The following KAZN variants were observed in gnomAD, a reference collection of about 807,000 sequenced individuals.
KAZN encodes the protein kazrin.
A neutral mutation model predicts 87.4 loss-of-function variants in KAZN; 40 were observed. The ratio of observed to expected loss-of-function variants is 0.46; its 90% confidence interval spans 0.36 to 0.60. The LOEUF is 0.60. Among genes scored for constraint, KAZN ranks in the 20% least tolerant of loss-of-function variants. KAZN has a pLI of 0.00. For missense variants in KAZN, 898 were observed against 1,073.9 expected, an observed-to-expected ratio of 0.84 and a Z score of 2.29; for synonymous variants, 466 against 458.3, an observed-to-expected ratio of 1.02 and a Z score of -0.22.
chr1:13,968,009 T>C (rs1218656696), intron 1 of KAZN, among the ~76,000 whole-genome samples: 2 of 152,200 alleles, frequency 1.3e-5, no homozygotes, highest in African/African-American at 4.8e-5. Flanking sequence ...CCTTGGTCTC[T>C]AGGGGCCTCC....
chr1:14,466,291 A>C (rs1668123152), intron 2 of KAZN, among the ~76,000 whole-genome samples: 1 of 151,838 alleles, frequency 6.6e-6, no homozygotes, highest in African/African-American at 2.4e-5. Context: ...CACACAGGAC[A>C]CTTTGAGTTA....
At position 15,114,716 on chromosome 1, in the gene KAZN, T is replaced by A. The variant is rs1641781420; in HGVS notation, c.*81T>A. The A allele has an allele frequency of 7.2e-7, 1 of 1,387,572 alleles. No individual in the cohort carries two copies. The highest frequency in any genetic ancestry group is 1.4e-5 in the South Asian group (1 of 71,442). 86.0% of individuals were successfully genotyped at this position (1,387,572 alleles called of 1,614,324 possible). A position where few individuals can be genotyped will look rare whatever the true frequency, so the allele number is the denominator to read the frequency against. On this transcript the variant is annotated 3_prime_UTR_variant, in exon 15 of 15. Transcript: ENST00000376030. ...AGATGGCCCCAGGTGTCGTTCTCAC[T>A]GTACATAGCGGCCGCAGGCTGAGGA...
intron 2 of KAZN, among the ~76,000 whole-genome samples, chr1:14,976,697 G>T (rs1475177398): frequency 6.6e-6 from 1 of 152,146 alleles, no homozygotes; most frequent in African/African-American, 2.4e-5. Flanking sequence ...GCCGTCCTGG[G>T]ACATGGACTC....
chr1:14,975,100 AG>A (rs917113745), intron 2 of KAZN, among the ~76,000 whole-genome samples: 2 of 152,194 alleles, frequency 1.3e-5, no homozygotes, highest in African/African-American at 4.8e-5. Flanking sequence ...CAGGTCACAG[AG>A]GGGACCCGGC....
intron 1 of KAZN, among the ~76,000 whole-genome samples, chr1:14,812,668 C>A (rs1251233843): frequency 1.3e-5 from 2 of 152,158 alleles, no homozygotes; most frequent in East Asian, 1.9e-4. Flanking sequence ...TGCATGCCAC[C>A]ATGCCCAGCT....
chr1:14,789,389 A>T (rs1645605495), intron 1 of KAZN, among the ~76,000 whole-genome samples: 2 of 152,118 alleles, frequency 1.3e-5, no homozygotes, highest in South Asian at 4.1e-4. Flanking sequence ...ACTTTTCCAG[A>T]CCTGCTTCCC....
intron 2 of KAZN, among the ~76,000 whole-genome samples, chr1:14,303,198 T>C (rs1398055356): frequency 3.3e-5 from 5 of 152,188 alleles, no homozygotes; most frequent in African/African-American, 9.6e-5. Flanking sequence ...CAAAATCATC[T>C]GGCTCGCTTG....
chr1:14,390,957 G>C (rs1047717885), intron 2 of KAZN, among the ~76,000 whole-genome samples: 5 of 152,222 alleles, frequency 3.3e-5, no homozygotes, highest in African/African-American at 7.2e-5. Flanking sequence ...AGTTGGCAAA[G>C]GGCCAGGCCA....
At chr1:13,894,757 G>C (rs1276174923) in intron 1 of KAZN, among the ~76,000 whole-genome samples, 1 of 152,190 alleles carries the variant, frequency 6.6e-6, no homozygotes, top group Non-Finnish European at 1.5e-5. Context: ...TCCGTCCCCT[G>C]CTGCAAAACA....
chr1:13,990,509 A>G (rs557172677), intron 1 of KAZN, among the ~76,000 whole-genome samples: 40 of 152,172 alleles, frequency 2.6e-4, no homozygotes, highest in Middle Eastern at 3.4e-3. Flanking sequence ...TCAACACACT[A>G]GCTGACCATG....
intron 1 of KAZN, among the ~76,000 whole-genome samples, chr1:14,061,459 G>T (rs562633064): frequency 6.6e-6 from 1 of 152,136 alleles, no homozygotes; most frequent in African/African-American, 2.4e-5. Context: ...TGTCTGAAGA[G>T]CTGCAAGTAG....
chr1:14,998,697 C>T (rs552452640), intron 2 of KAZN, among the ~76,000 whole-genome samples: 1 of 152,206 alleles, frequency 6.6e-6, no homozygotes, highest in South Asian at 2.1e-4. Flanking sequence ...TACAGGCGTG[C>T]ACCACCACAC....
chr1:14,478,274 A>AAGGAAGAAAGGAAGGAAGGAAGG (rs1553178148), intron 2 of KAZN, among the ~76,000 whole-genome samples: 1 of 111,404 alleles, frequency 9.0e-6, no homozygotes, highest in African/African-American at 2.9e-5. Context: ...AGGAAGGAAG[A>AAGGAAGAAAGGAAGGAAGGAAGG]AAGGAAGGAA....
intron 2 of KAZN, among the ~76,000 whole-genome samples, chr1:14,544,319 G>A (rs972668330): frequency 7.3e-6 from 1 of 137,000 alleles, no homozygotes; most frequent in Non-Finnish European, 1.6e-5. Context: ...TGAGATTTGG[G>A]GTTTTTTTTT....
chr1:14,751,474 T>C (rs1309833350), intron 1 of KAZN, among the ~76,000 whole-genome samples: 3 of 152,196 alleles, frequency 2.0e-5, no homozygotes, highest in Non-Finnish European at 4.4e-5. Context: ...ATAGCTTACC[T>C]CGTTAAAGCC....
At chr1:14,536,744 T>C (rs1005683935) in intron 2 of KAZN, among the ~76,000 whole-genome samples, 1 of 151,978 alleles carries the variant, frequency 6.6e-6, no homozygotes, top group Non-Finnish European at 1.5e-5. Flanking sequence ...TACCCAGACA[T>C]GGTGGTGCAT....
chr1:14,417,578 T>TG, intron 2 of KAZN, among the ~76,000 whole-genome samples: 1 of 152,254 alleles, frequency 6.6e-6, no homozygotes, highest in South Asian at 2.1e-4. Context: ...CCTGGCTGGT[T>TG]GGAGTCAAAC....
At chr1:15,070,431 G>A (rs1420810130) in intron 8 of KAZN, among the ~76,000 whole-genome samples, 25 of 152,164 alleles carry the variant, frequency 1.6e-4, no homozygotes, top group Non-Finnish European at 1.5e-5. Context: ...ACCTCCACTG[G>A]CCCTGCAGTC....
intron 1 of KAZN, among the ~76,000 whole-genome samples, chr1:14,836,037 T>C (rs1045811719): frequency 1.3e-5 from 2 of 152,306 alleles, no homozygotes; most frequent in East Asian, 3.9e-4. Context: ...GTGGGCCAGT[T>C]GGATGACAGC....
Sources: allele counts gnomAD v4.1 joint callset (sites outside exome capture counted in the v4.1 genomes callset), GRCh38; gene constraint gnomAD v4.1.1; transcripts MANE v1.5; gene names NCBI Gene and HGNC (gene_info 2026-07-23, HGNC 2026-07-21).